DSCAM: variants seen among roughly 807,000 people sequenced by gnomAD.
DSCAM encodes DS cell adhesion molecule.
In DSCAM, 47 loss-of-function variants were observed where a neutral mutation model predicts 217.7. The observed-to-expected ratio is 0.22, with a 90% CI of 0.17 to 0.28. The LOEUF is 0.28. Among genes scored for constraint, DSCAM ranks in the 10% least tolerant of loss-of-function variants. The pLI, the probability that DSCAM is intolerant of heterozygous loss-of-function variation, is 1.00. For synonymous variants in DSCAM, 1,056 were observed against 1,015.3 expected, an observed-to-expected ratio of 1.04 and a Z score of -0.76; for missense variants, 2,080 against 2,618.3, an observed-to-expected ratio of 0.79 and a Z score of 4.49.
intron 10 of DSCAM, among the ~76,000 whole-genome samples, chr21:40,289,121 G>A (rs2073861442): frequency 6.6e-6 from 1 of 152,226 alleles, no homozygotes; most frequent in African/African-American, 2.4e-5. Context: ...GCAAATGGGA[G>A]AGAGAAGCCT....
chr21:40,446,721 A>G (rs1051738564), intron 3 of DSCAM, among the ~76,000 whole-genome samples: 8 of 152,234 alleles, frequency 5.3e-5, no homozygotes, highest in Non-Finnish European at 1.2e-4. Context: ...AAAGGAAATA[A>G]TTCTACTGAC....
chr21:40,798,402 TAAAC>T (rs1439370942), intron 1 of DSCAM, among the ~76,000 whole-genome samples: 2 of 152,076 alleles, frequency 1.3e-5, no homozygotes, highest in Non-Finnish European at 2.9e-5. Context: ...AAGCTCACCA[TAAAC>T]AAAATTAAAA....
chr21:40,238,368 A>G (rs1211159570), intron 11 of DSCAM, among the ~76,000 whole-genome samples: 1 of 152,218 alleles, frequency 6.6e-6, no homozygotes, highest in Non-Finnish European at 1.5e-5. Context: ...TTGGCTCATG[A>G]GAATCTCCTC....
At chr21:40,059,903 A>G (rs2089088539) in intron 28 of DSCAM, among the ~76,000 whole-genome samples, 1 of 152,172 alleles carries the variant, frequency 6.6e-6, no homozygotes, top group African/African-American at 2.4e-5. Context: ...GCCAGTGGAC[A>G]TGATTTGTCT....
intron 3 of DSCAM, among the ~76,000 whole-genome samples, chr21:40,570,032 C>T (rs571027649): frequency 6.6e-6 from 1 of 152,114 alleles, no homozygotes; most frequent in Non-Finnish European, 1.5e-5. Flanking sequence ...CCCAAGTACC[C>T]TGCAGTGGCC....
intron 25 of DSCAM, among the ~76,000 whole-genome samples, chr21:40,079,675 A>G (rs1391325874): frequency 3.9e-5 from 6 of 152,040 alleles, no homozygotes; most frequent in Non-Finnish European, 8.8e-5. Flanking sequence ...TTCTCTGAAT[A>G]TGATTTCTTT....
At chr21:40,666,300 C>T (rs1196744921) in intron 3 of DSCAM, among the ~76,000 whole-genome samples, 2 of 152,104 alleles carry the variant, frequency 1.3e-5, no homozygotes, top group African/African-American at 4.8e-5. Flanking sequence ...CTATGCAGTA[C>T]CTCATTTAAC....
chr21:40,241,685 A>T (rs1434678364), intron 11 of DSCAM, among the ~76,000 whole-genome samples: 1 of 152,240 alleles, frequency 6.6e-6, no homozygotes, highest in Non-Finnish European at 1.5e-5. Context: ...TACCATAAAG[A>T]CACATGCAAG....
chr21:40,701,715 C>T (rs11909903), intron 2 of DSCAM, among the ~76,000 whole-genome samples: 48,293 of 151,526 alleles, frequency 0.32, 10,059 homozygotes, highest in African/African-American at 0.6. Context: ...GAGTGCTATT[C>T]AGTATTCAGG....
At chr21:40,121,948 C>A (rs769883033) in intron 20 of DSCAM, among the ~76,000 whole-genome samples, 13 of 152,080 alleles carry the variant, frequency 8.5e-5, no homozygotes, top group Non-Finnish European at 1.8e-4. Context: ...GCCTTGGCTT[C>A]CCAAAGTGCT....
intron 3 of DSCAM, among the ~76,000 whole-genome samples, chr21:40,554,968 A>G (rs2076659648): frequency 6.6e-6 from 1 of 152,236 alleles, no homozygotes; most frequent in Non-Finnish European, 1.5e-5. Flanking sequence ...GGTAGCACCA[A>G]GCCCAGTACC....
At chr21:40,503,904 T>C (rs542476014) in intron 3 of DSCAM, among the ~76,000 whole-genome samples, 8 of 152,328 alleles carry the variant, frequency 5.3e-5, no homozygotes, top group African/African-American at 1.4e-4. Context: ...CCACTGTGAA[T>C]TGATGGTCAT....
At chr21:40,651,058 G>A (rs73356440) in intron 3 of DSCAM, among the ~76,000 whole-genome samples, 6,612 of 152,192 alleles carry the variant, frequency 0.043, 483 homozygotes, top group African/African-American at 0.15. Context: ...CCCATGATCC[G>A]AGGAAAAGTT....
At chr21:40,100,412 C>T (rs1021468466) in intron 20 of DSCAM, among the ~76,000 whole-genome samples, 10 of 152,124 alleles carry the variant, frequency 6.6e-5, no homozygotes, top group African/African-American at 2.4e-4. Flanking sequence ...GTTAGGATAG[C>T]ATGGACTATA....
intron 10 of DSCAM, among the ~76,000 whole-genome samples, chr21:40,287,981 A>G (rs1211777593): frequency 6.6e-6 from 1 of 152,226 alleles, no homozygotes; most frequent in East Asian, 1.9e-4. Context: ...CAATCTCAAG[A>G]GAGACAGGAA....
chr21:40,387,064 T>A (rs1277232417), intron 3 of DSCAM, among the ~76,000 whole-genome samples: 2 of 152,180 alleles, frequency 1.3e-5, no homozygotes, highest in Non-Finnish European at 2.9e-5. Context: ...CTAATTATTT[T>A]GAAAACTCTC....
chr21:40,070,677 C>A (rs2146535500), intron 27 of DSCAM, among the ~76,000 whole-genome samples: 1 of 152,278 alleles, frequency 6.6e-6, no homozygotes, highest in South Asian at 2.1e-4. Flanking sequence ...GATGCACATT[C>A]CTGCTTTAGG....
chr21:40,165,172 CCTT>C (rs2090580832), intron 16 of DSCAM, among the ~76,000 whole-genome samples: 1 of 152,190 alleles, frequency 6.6e-6, no homozygotes, highest in Admixed American at 6.5e-5. Context: ...CGCTATTTCT[CCTT>C]CTTTCTTTCT....
intron 3 of DSCAM, among the ~76,000 whole-genome samples, chr21:40,561,629 T>A (rs1227999352): frequency 6.6e-6 from 1 of 152,130 alleles, no homozygotes; most frequent in Non-Finnish European, 1.5e-5. Context: ...AAACGTGGGG[T>A]TTGTGAAGGT....
Sources: allele counts gnomAD v4.1 joint callset (sites outside exome capture counted in the v4.1 genomes callset), GRCh38; gene constraint gnomAD v4.1.1; transcripts MANE v1.5; gene names NCBI Gene and HGNC (gene_info 2026-07-23, HGNC 2026-07-21).